Variants in ZNF407 observed in about 807,000 individuals in gnomAD.
The protein encoded by ZNF407 is zinc finger protein 407.
ZNF407 carries 17 observed loss-of-function variants against 131.2 expected under a neutral mutation model. The ratio of observed to expected loss-of-function variants is 0.13; its 90% CI spans 0.09 to 0.19. The LOEUF is 0.19. Among genes scored for constraint, ZNF407 ranks in the 10% least tolerant of loss-of-function variants. The pLI, the probability that ZNF407 is intolerant of heterozygous loss-of-function variation, is 1.00. For missense variants in ZNF407, 2,681 were observed against 2,830.6 expected (o/e 0.95, Z 1.20); for synonymous variants, 1,156 against 1,062.0 (o/e 1.09, Z -1.72).
At chr18:74,694,005 TA>T (rs1025359234) in intron 3 of ZNF407, among the ~76,000 whole-genome samples, 1 of 152,230 alleles carries the variant, frequency 6.6e-6, no homozygotes, top group African/African-American at 2.4e-5. Context: ...GTATAATCTC[TA>T]AATTTATTTC....
chr18:74,670,539 C>T (rs1222766625), intron 3 of ZNF407, among the ~76,000 whole-genome samples: 3 of 152,150 alleles, frequency 2.0e-5, no homozygotes, highest in Non-Finnish European at 4.4e-5. Flanking sequence ...ATGTTTATAT[C>T]TCTAAGGAAT....
intron 8 of ZNF407, among the ~76,000 whole-genome samples, chr18:75,050,289 T>C (rs1973484555): frequency 6.6e-6 from 1 of 152,196 alleles, no homozygotes; most frequent in South Asian, 2.1e-4. Flanking sequence ...ATTTACTCTT[T>C]AAGAAAATAA....
intron 4 of ZNF407, among the ~76,000 whole-genome samples, chr18:74,849,742 G>A (rs1289314534): frequency 6.6e-6 from 1 of 152,184 alleles, no homozygotes; most frequent in Non-Finnish European, 1.5e-5. Context: ...TTACCACCAT[G>A]GGTAGCATGC....
intron 3 of ZNF407, among the ~76,000 whole-genome samples, chr18:74,762,562 T>A (rs565769521): frequency 6.6e-6 from 1 of 152,258 alleles, no homozygotes; most frequent in South Asian, 2.1e-4. Context: ...AATTCCCATT[T>A]TTTCCATTGT....
intron 3 of ZNF407, among the ~76,000 whole-genome samples, chr18:74,725,660 A>G (rs768689041): frequency 6.6e-6 from 1 of 152,124 alleles, no homozygotes; most frequent in Non-Finnish European, 1.5e-5. Context: ...CCTTAATTTC[A>G]GTCTCTTAGA....
At chr18:75,061,237 CAGA>C (rs1352453263) in intron 8 of ZNF407, 1 of 152,146 alleles carries the variant, frequency 6.6e-6, no homozygotes, top group African/African-American at 2.4e-5. Context: ...GAGATTAAAG[CAGA>C]ATATCTCAAA....
In ZNF407 at chr18:74,995,877, C is replaced by A. The variant is rs547786299; in HGVS notation, c.5429-67273C>A. Among the ~76,000 whole-genome samples, 222 of 152,226 alleles carry A rather than the reference C, an allele frequency of 1.5e-3. 1 individual carries two copies. The highest frequency in any genetic ancestry group is 2.6e-3 in the Non-Finnish European group (180 of 68,012). ...AGAGTGAGTGGTTTTGTTATTTTTA[C>A]TTTGAGAATTTTTAGAATTGTTAGA... On this transcript the variant is annotated intron_variant, in intron 8 of 8. Transcript: ENST00000299687.
chr18:74,826,277 TAGGAG>T (rs1271342480), intron 4 of ZNF407, among the ~76,000 whole-genome samples: 3 of 152,128 alleles, frequency 2.0e-5, no homozygotes, highest in African/African-American at 7.2e-5. Context: ...AGAAAACTGA[TAGGAG>T]AGAGAGAGAG....
intron 4 of ZNF407, among the ~76,000 whole-genome samples, chr18:74,867,936 A>G (rs1188469904): frequency 6.6e-6 from 1 of 152,188 alleles, no homozygotes; most frequent in East Asian, 1.9e-4. Context: ...GTTGAAATGT[A>G]AAAGAAAATA....
chr18:74,932,217 A>G (rs970642589), intron 8 of ZNF407, among the ~76,000 whole-genome samples: 1 of 152,212 alleles, frequency 6.6e-6, no homozygotes, highest in African/African-American at 2.4e-5. Context: ...TTTGTATAAC[A>G]TATAAGGTGT....
At chr18:74,787,937 C>G (rs1969751546) in intron 4 of ZNF407, among the ~76,000 whole-genome samples, 1 of 152,164 alleles carries the variant, frequency 6.6e-6, no homozygotes, top group Non-Finnish European at 1.5e-5. Context: ...TCTTTTAAGA[C>G]TCAGAAGAAT....
chr18:75,063,450 A>G lies in ZNF407; in HGVS notation c.5729A>G (p.Gln1910Arg). The change falls in exon 9 of 9, where the codon CAG (glutamine) becomes CGG (arginine). Residue 1910 changes from glutamine (Q) to arginine (R), a missense_variant. By Grantham distance (43) the Gln-to-Arg change is conservative. This residue lies in a region of ZNF407 where 620 missense variants were observed against 583.1 expected (regional missense o/e 1.06). Transcript: ENST00000299687. This position sits in a 1 kb window ranked among gnomAD's most constrained non-coding sequence, Gnocchi z 6.6. ...ARVVHITEDG[Q>R]VIATSQSGAH... ...GTGGTGCATATCACGGAGGATGGCC[A>G]GGTCATCGCCACGAGTCAGAGCGGG... 6.2e-7 allele frequency: 1 copy of G among 1,608,166 alleles called. No homozygotes were observed. The highest frequency in any genetic ancestry group is 8.5e-7 in the Non-Finnish European group (1 of 1,178,204).
chr18:74,669,013 C>T (rs1049441149), intron 3 of ZNF407, among the ~76,000 whole-genome samples: 1 of 152,026 alleles, frequency 6.6e-6, no homozygotes, highest in Non-Finnish European at 1.5e-5. Flanking sequence ...GCACACGTTC[C>T]CTCTACCCAG....
chr18:74,910,218 C>T (rs1458645343), intron 7 of ZNF407, among the ~76,000 whole-genome samples: 2 of 152,064 alleles, frequency 1.3e-5, no homozygotes, highest in African/African-American at 4.8e-5. Context: ...TAGACACTTA[C>T]GCATATGAAG....
chr18:74,654,959 C>T (rs1325263233), intron 3 of ZNF407, among the ~76,000 whole-genome samples: 1 of 151,730 alleles, frequency 6.6e-6, no homozygotes, highest in Non-Finnish European at 1.5e-5. Context: ...GCTTAGTCAT[C>T]TAATGTTATT....
intron 4 of ZNF407, among the ~76,000 whole-genome samples, chr18:74,834,361 G>A (rs1970526765): frequency 6.6e-6 from 1 of 152,170 alleles, no homozygotes; most frequent in African/African-American, 2.4e-5. Flanking sequence ...TAGAAAAATG[G>A]GATGATCTGG....
chr18:74,734,223 C>G (rs983543086), intron 3 of ZNF407, among the ~76,000 whole-genome samples: 4 of 152,168 alleles, frequency 2.6e-5, no homozygotes, highest in Non-Finnish European at 4.4e-5. Context: ...CTTGGTTGCT[C>G]TTTTTACTCT....
chr18:74,843,655 A>G (rs1970663815), intron 4 of ZNF407, among the ~76,000 whole-genome samples: 2 of 152,178 alleles, frequency 1.3e-5, no homozygotes, highest in Non-Finnish European at 2.9e-5. Flanking sequence ...AGGGAATGAG[A>G]TTATGCTTGG....
At chr18:74,962,029 C>CCAT (rs1358534305) in intron 8 of ZNF407, among the ~76,000 whole-genome samples, 7 of 151,506 alleles carry the variant, frequency 4.6e-5, no homozygotes, top group South Asian at 2.1e-4. Context: ...GTTTAGAAGG[C>CCAT]CATTTCCTTT....
Sources: gnomAD v4.1 joint callset for allele counts (sites outside exome capture counted in the v4.1 genomes callset) on GRCh38, gnomAD v4.1.1 for gene constraint, gnomAD v4.1.1 regional missense constraint, Gnocchi (gnomAD v3.1) non-coding constraint, MANE v1.5 for transcripts, NCBI Gene and HGNC (gene_info 2026-07-23, HGNC 2026-07-21) for gene names.